SNRPN: variants seen among roughly 807,000 people sequenced by gnomAD.
SNRPN encodes the protein small nuclear ribonucleoprotein polypeptide N.
In SNRPN, 7 loss-of-function variants were observed where a neutral mutation model predicts 25.2. The observed-to-expected ratio is 0.28, with a 90% CI of 0.16 to 0.52. The LOEUF is 0.52. Among genes scored for constraint, SNRPN ranks in the 20% least tolerant of loss-of-function variants. The pLI is 0.96. For missense variants in SNRPN, 196 were observed against 322.5 expected (o/e 0.61, Z 3.00); for synonymous variants, 124 against 110.6 (o/e 1.12, Z -0.76).
At chr15:24,845,719 T>C (rs1387569226) in intron 2 of SNRPN, among the ~76,000 whole-genome samples, 1 of 152,134 alleles carries the variant, frequency 6.6e-6, no homozygotes, top group Non-Finnish European at 1.5e-5. Flanking sequence ...TTTTGGAATC[T>C]ACTTCTCAGT....
intron 2 of SNRPN, among the ~76,000 whole-genome samples, chr15:24,916,337 G>T (rs187743958): frequency 6.6e-4 from 101 of 152,150 alleles, no homozygotes; most frequent in Middle Eastern, 3.4e-3. Context: ...AGGGGAAAGT[G>T]GGGGGAGAGA....
At chr15:24,847,415 C>T (rs569891814) in intron 2 of SNRPN, among the ~76,000 whole-genome samples, 2 of 152,076 alleles carry the variant, frequency 1.3e-5, no homozygotes, top group Non-Finnish European at 2.9e-5. Context: ...CCGAGGCGGG[C>T]AGATCACTTG....
At chr15:24,938,412 G>A (rs2061368507) in intron 3 of SNRPN, among the ~76,000 whole-genome samples, 1 of 152,144 alleles carries the variant, frequency 6.6e-6, no homozygotes, top group African/African-American at 2.4e-5. Context: ...ACAGGTGTGA[G>A]CCACCATGCC....
At chr15:24,881,562 AGGG>A (rs2056628375) in intron 1 of SNRPN, among the ~76,000 whole-genome samples, 1 of 34,806 alleles carries the variant, frequency 2.9e-5, no homozygotes, top group Non-Finnish European at 6.4e-5. Context: ...AGAGGGAGGG[AGGG>A]AGGGAGGGAG....
intron 2 of SNRPN, chr15:24,909,214 A>T: frequency 6.5e-7 from 1 of 1,538,594 alleles, no homozygotes. Context: ...AATCGGCAAC[A>T]TTCTGGCCCA....
chr15:24,879,402 A>C (rs2056359893), intron 1 of SNRPN, among the ~76,000 whole-genome samples: 1 of 151,422 alleles, frequency 6.6e-6, no homozygotes. Flanking sequence ...CCGCCACTGC[A>C]CTCTAGCCTG....
intron 1 of SNRPN, among the ~76,000 whole-genome samples, chr15:24,875,286 G>A (rs1436660063): frequency 2.0e-5 from 3 of 152,174 alleles, no homozygotes; most frequent in Non-Finnish European, 4.4e-5. Flanking sequence ...CAGGAAAAGA[G>A]TAGAAAAACC....
intron 1 of SNRPN, among the ~76,000 whole-genome samples, chr15:24,870,601 T>G (rs1301646764): frequency 6.7e-6 from 1 of 149,148 alleles, no homozygotes; most frequent in African/African-American, 2.4e-5. Flanking sequence ...CACACTCTCA[T>G]GAAGAACAAC....
chr15:24,909,326 G>C (rs1361373470), intron 2 of SNRPN: 12 of 1,603,556 alleles, frequency 7.5e-6, no homozygotes, highest in Non-Finnish European at 1.0e-5. Context: ...TCCATCCACA[G>C]CTCCCTTCAG....
At chr15:24,857,978 G>A (rs2053577480) in intron 1 of SNRPN, among the ~76,000 whole-genome samples, 1 of 152,006 alleles carries the variant, frequency 6.6e-6, no homozygotes, top group South Asian at 2.1e-4. Flanking sequence ...TCAGTTCCCC[G>A]GTTGGGGCCA....
chr15:24,857,883 G>A (rs2053563324), intron 1 of SNRPN, among the ~76,000 whole-genome samples: 1 of 152,100 alleles, frequency 6.6e-6, no homozygotes. Flanking sequence ...TAATTTGGTG[G>A]GTAGGGGGTC....
intron 3 of SNRPN, among the ~76,000 whole-genome samples, chr15:24,923,318 A>G (rs2060148531): frequency 6.6e-6 from 1 of 152,188 alleles, no homozygotes; most frequent in Admixed American, 6.5e-5. Context: ...ATAGGTACAC[A>G]TCTCTCAAGG....
In SNRPN at chr15:24,962,097, T is replaced by A; in HGVS notation, c.-390-17T>A. Reference sequence around the variant, plus strand: ...TGATGCAGTCTACCAAACAAATGCCTCTCTTTTCTGTTTCAGGGATCGCTT... The same window carrying A: ...TGATGCAGTCTACCAAACAAATGCCACTCTTTTCTGTTTCAGGGATCGCTT... On this transcript the variant is annotated splice_polypyrimidine_tract_variant and intron_variant, in intron 1 of 9. Transcript: ENST00000390687. 2 of 1,608,794 alleles carry A rather than the reference T, an allele frequency of 1.2e-6. No individual in the cohort carries two copies. The highest frequency in any genetic ancestry group is 1.7e-6 in the Non-Finnish European group (2 of 1,175,154).
At chr15:24,953,363 C>T (rs1046136054), upstream of SNRPN, among the ~76,000 whole-genome samples, 10 of 152,156 alleles carry the variant, frequency 6.6e-5, no homozygotes, top group Non-Finnish European at 1.0e-4. Context: ...CTTGCCCTGT[C>T]ACCAGGCTGG....
intron 2 of SNRPN, among the ~76,000 whole-genome samples, chr15:24,913,412 G>A (rs991274789): frequency 6.6e-6 from 1 of 152,122 alleles, no homozygotes; most frequent in Non-Finnish European, 1.5e-5. Flanking sequence ...GGACGACAAG[G>A]TGGGCAGATC....
intron 3 of SNRPN, among the ~76,000 whole-genome samples, chr15:24,925,318 A>G (rs2060304460): frequency 6.6e-6 from 1 of 152,098 alleles, no homozygotes; most frequent in Non-Finnish European, 1.5e-5. Flanking sequence ...TTTGATTCTC[A>G]AAAGTAGGAT....
chr15:24,928,094 G>A (rs2060536016), intron 3 of SNRPN, among the ~76,000 whole-genome samples: 1 of 152,172 alleles, frequency 6.6e-6, no homozygotes, highest in African/African-American at 2.4e-5. Flanking sequence ...TGCTGATGAG[G>A]ATGCAGATGA....
intron 3 of SNRPN, among the ~76,000 whole-genome samples, chr15:24,933,454 CG>C (rs1263828803): frequency 6.6e-6 from 1 of 151,618 alleles, no homozygotes; most frequent in Non-Finnish European, 1.5e-5. Context: ...TTGGGGAAAA[CG>C]GTGGTTGAGT....
In SNRPN at chr15:24,833,071, T is replaced by C. The variant is rs529675561; in HGVS notation, c.-579+3166T>C. Among the ~76,000 whole-genome samples the C allele has an allele frequency of 5.4e-3, 689 of 126,740 alleles. 2 individuals carry two copies. Among genetic ancestry groups the C allele is most frequent in the South Asian group, 0.011 (45 of 4,056 alleles). The allele number at this position is 126,740 out of a possible 152,430, so 83.1% of individuals were successfully genotyped here. A position where few individuals can be genotyped will look rare whatever the true frequency, so the allele number is the denominator to read the frequency against. ...AGTGAGCCAAGATTGCACCACTGCA[T>C]TCCAGCCTGGGCGACAGAGCGAGAC... is the stretch of plus-strand genomic sequence containing the variant. On this transcript the variant is annotated intron_variant, in intron 2 of 12. Transcript: ENST00000400100.
Sources: gnomAD v4.1 joint callset for allele counts (sites outside exome capture counted in the v4.1 genomes callset) on GRCh38, gnomAD v4.1.1 for gene constraint, MANE v1.5 for transcripts, NCBI Gene and HGNC (gene_info 2026-07-23, HGNC 2026-07-21) for gene names.